The following BDP1 variants were observed in gnomAD, a reference collection of about 807,000 sequenced individuals.
The protein encoded by BDP1 is BDP1 general transcription factor IIIB subunit, also known as transcription factor TFIIIB component B'' homolog.
BDP1 carries 169 observed loss-of-function variants against 266.6 expected under a neutral mutation model. The ratio of observed to expected loss-of-function variants is 0.63; its 90% CI spans 0.56 to 0.72. The LOEUF is 0.72. BDP1 is among the 30% of genes least tolerant of loss of function. The pLI is 0.00. For synonymous variants in BDP1, 1,090 were observed against 1,022.4 expected (o/e 1.07, Z -1.26); for missense variants, 3,015 against 3,053.8 (o/e 0.99, Z 0.30).
In BDP1 at chr5:71,485,921, G is replaced by A. The variant is rs568531904; in HGVS notation, c.1070-563G>A. Reference sequence around the variant, plus strand: ...TCAAGTTTTGACAAAGAATATGCCTGTGTAATCACTACCCCAAACAATAGA... The same window carrying A: ...TCAAGTTTTGACAAAGAATATGCCTATGTAATCACTACCCCAAACAATAGA... On this transcript the variant is annotated intron_variant, in intron 8 of 38. Transcript: ENST00000358731. Among the ~76,000 whole-genome samples, 11 of 152,284 alleles carry A rather than the reference G, an allele frequency of 7.2e-5. No individual in the cohort carries two copies. In the South Asian group the frequency reaches 1.9e-3, roughly 26 times the overall value.
chr5:71,498,052 G>A (rs1403925228), intron 13 of BDP1, among the ~76,000 whole-genome samples: 2 of 151,784 alleles, frequency 1.3e-5, no homozygotes, highest in East Asian at 1.9e-4. Flanking sequence ...CCAGGTTCAC[G>A]CCATTCTCCT....
At chr5:71,462,333 A>G (rs1761628656) in intron 3 of BDP1, among the ~76,000 whole-genome samples, 1 of 152,226 alleles carries the variant, frequency 6.6e-6, no homozygotes, top group East Asian at 1.9e-4. Context: ...TAGTTTTCCA[A>G]AAACATGTTG....
chr5:71,545,234 A>G lies in BDP1; in HGVS notation c.6744+15A>G. 1.2e-6 allele frequency: 2 copies of G among 1,601,830 alleles called. No individual in the cohort carries two copies. Among genetic ancestry groups the G allele is most frequent in the Non-Finnish European group, 1.7e-6 (2 of 1,175,094 alleles). Reference sequence around the variant, plus strand: ...CTGTGCCAGAGGTAAAAGAATGTACAGTATAATAAGGGATAGCAAGGTGTT... The same window carrying G: ...CTGTGCCAGAGGTAAAAGAATGTACGGTATAATAAGGGATAGCAAGGTGTT... On this transcript the variant is annotated intron_variant, in intron 32 of 38. Transcript: ENST00000358731.
intron 35 of BDP1, 47 bp downstream of exon 35, chr5:71,553,367 G>A (rs1742991620): frequency 7.5e-7 from 1 of 1,330,434 alleles, no homozygotes; most frequent in African/African-American, 1.5e-5. Context: ...TAAGTAAGAT[G>A]GCCATATTGC....
intron 31 of BDP1, among the ~76,000 whole-genome samples, chr5:71,544,799 G>A (rs1189371100): frequency 7.1e-6 from 1 of 140,838 alleles, no homozygotes; most frequent in Non-Finnish European, 1.5e-5. Flanking sequence ...AGAATCGTGT[G>A]AACCTGGGAG....
chr5:71,524,745 A>G (rs1765693568), intron 25 of BDP1, among the ~76,000 whole-genome samples: 2 of 149,840 alleles, frequency 1.3e-5, no homozygotes, highest in South Asian at 4.2e-4. Context: ...ACAAGTGAAC[A>G]AAGGTCTCTG....
At chr5:71,465,294 T>A (rs1287597730) in intron 4 of BDP1, among the ~76,000 whole-genome samples, 2 of 151,770 alleles carry the variant, frequency 1.3e-5, no homozygotes, top group Non-Finnish European at 2.9e-5. Context: ...TATTATTATT[T>A]TTACAGATAG....
intron 4 of BDP1, among the ~76,000 whole-genome samples, chr5:71,465,830 G>A (rs553798482): frequency 6.6e-6 from 1 of 152,154 alleles, no homozygotes; most frequent in South Asian, 2.1e-4. Flanking sequence ...GCAGTAAGTC[G>A]AGATCATGCC....
intron 2 of BDP1, among the ~76,000 whole-genome samples, chr5:71,461,519 T>A (rs1309550127): frequency 6.6e-6 from 1 of 151,244 alleles, no homozygotes; most frequent in African/African-American, 2.4e-5. Flanking sequence ...GAGGCTGAGG[T>A]GGGAGGACTG....
intron 25 of BDP1, among the ~76,000 whole-genome samples, chr5:71,526,875 A>G (rs1415376769): frequency 1.3e-5 from 2 of 151,888 alleles, no homozygotes; most frequent in Non-Finnish European, 2.9e-5. Flanking sequence ...TGGTAGAGGC[A>G]GGGTTTTACC....
At position 71,474,995 on chromosome 5, in the gene BDP1, C is replaced by T. The variant is rs377655486; in HGVS notation, c.1014+4506C>T. Among the ~76,000 whole-genome samples, 8 of 152,224 alleles carry T rather than the reference C, an allele frequency of 5.3e-5. No individual in the cohort carries two copies. The East Asian group carries it at 7.8e-4, about 15-fold the overall frequency. On this transcript the variant is annotated intron_variant, in intron 7 of 38. Coordinates refer to ENST00000358731, the MANE Select transcript of BDP1 (RefSeq NM_018429.3). ...GTTATTAAATGCATAACACTAATTACTTGCCAGCTATTGGTAGTCTTTTTC... is the reference window on the plus strand; with the variant it reads ...GTTATTAAATGCATAACACTAATTATTTGCCAGCTATTGGTAGTCTTTTTC...
At chr5:71,488,956 C>T (rs1763427721) in intron 9 of BDP1, among the ~76,000 whole-genome samples, 1 of 149,802 alleles carries the variant, frequency 6.7e-6, no homozygotes, top group African/African-American at 2.5e-5. Flanking sequence ...GATCCACCCT[C>T]CTCAGCCTCC....
intron 1 of BDP1, among the ~76,000 whole-genome samples, 188 bp downstream of exon 1, chr5:71,456,277 A>AT (rs1761182401): frequency 6.6e-6 from 1 of 151,886 alleles, no homozygotes; most frequent in African/African-American, 2.4e-5. Flanking sequence ...GCTTGTGTGG[A>AT]TTTTGTCACG....
intron 29 of BDP1, 114 bp downstream of exon 29, chr5:71,541,796 A>G (rs922420889): frequency 7.4e-6 from 5 of 672,394 alleles, no homozygotes; most frequent in Non-Finnish European, 1.2e-5. Flanking sequence ...TACCCTTTAA[A>G]GATAGACTGA....
chr5:71,459,080 G>A (rs934437513), intron 2 of BDP1, among the ~76,000 whole-genome samples: 4 of 152,136 alleles, frequency 2.6e-5, no homozygotes, highest in African/African-American at 9.7e-5. Context: ...TGTTTTCACT[G>A]TTTTTGGTGA....
In BDP1 at chr5:71,512,355, G is replaced by C; in HGVS notation, c.4174G>C (p.Glu1392Gln). The C allele has an allele frequency of 6.3e-7, 1 of 1,596,948 alleles. No homozygotes were observed. The highest frequency in any genetic ancestry group is 8.5e-7 in the Non-Finnish European group (1 of 1,175,764). The change falls in exon 18 of 39, where the codon GAA becomes CAA. Residue 1392 changes from glutamate to glutamine, a missense_variant. This residue lies in a region of BDP1 where 2,383 missense variants were observed against 2,404.9 expected (regional missense o/e 0.99). Transcript: ENST00000358731. ...SHFKISSQTH[E>Q]SDKTEVQGIQ... Reference sequence around the variant, plus strand: ...TTTCAAGATTTCTTCACAGACTCATGAATCTGATAAAACAGAAGTCCAGGG... The same window carrying C: ...TTTCAAGATTTCTTCACAGACTCATCAATCTGATAAAACAGAAGTCCAGGG...
At chr5:71,505,499 A>G (rs1049823939) in intron 16 of BDP1, among the ~76,000 whole-genome samples, 1 of 152,016 alleles carries the variant, frequency 6.6e-6, no homozygotes, top group Non-Finnish European at 1.5e-5. Context: ...TCTATTTTTT[A>G]TTTCTTCCTT....
chr5:71,553,361 T>C, intron 35 of BDP1, 41 bp downstream of exon 35: 1 of 1,373,550 alleles, frequency 7.3e-7, no homozygotes. Flanking sequence ...GGCCATTAAG[T>C]AAGATGGCCA....
chr5:71,558,765 G>A (rs1743411138), intron 36 of BDP1, among the ~76,000 whole-genome samples: 1 of 151,972 alleles, frequency 6.6e-6, no homozygotes, highest in Non-Finnish European at 1.5e-5. Context: ...GGCAGAGGTT[G>A]CGGTGAGCCG....
Sources: allele counts gnomAD v4.1 joint callset (sites outside exome capture counted in the v4.1 genomes callset), GRCh38; gene constraint gnomAD v4.1.1; regional missense constraint gnomAD v4.1.1; transcripts MANE v1.5; gene names NCBI Gene and HGNC (gene_info 2026-07-23, HGNC 2026-07-21).